Variants in MCTP1 observed in about 807,000 individuals in gnomAD.
MCTP1 encodes the protein multiple C2 and transmembrane domain containing 1, also known as multiple C2 and transmembrane domain-containing protein 1.
Under a neutral mutation model 120.6 loss-of-function variants are expected in MCTP1, and 69 were observed. The ratio of observed to expected loss-of-function variants is 0.57; its 90% CI spans 0.47 to 0.70. The LOEUF is 0.70. Among genes scored for constraint, MCTP1 ranks in the 30% least tolerant of loss-of-function variants. MCTP1 has a pLI of 0.00. For synonymous variants in MCTP1, 529 were observed against 493.1 expected (o/e 1.07, Z -0.96); for missense variants, 1,203 against 1,248.8 (o/e 0.96, Z 0.55).
chr5:95,227,835 A>G lies in MCTP1; in HGVS notation c.720+56021T>C, dbSNP rs533381139. On this transcript the variant is annotated intron_variant, in intron 1 of 22. Coordinates refer to ENST00000515393, the MANE Select transcript of MCTP1 (RefSeq NM_024717.7). ...TGCAAAGCATTTATCAAACTGTAAA[A>G]AATACAAAGAAATATAAAGTATGTC... is the stretch of plus-strand genomic sequence containing the variant. Among the ~76,000 whole-genome samples, 148 of 152,302 alleles carry G rather than the reference A, an allele frequency of 9.7e-4. 1 individual carries two copies. Among genetic ancestry groups the G allele is most frequent in the African/African-American group, 3.3e-3 (137 of 41,544 alleles).
intron 1 of MCTP1, among the ~76,000 whole-genome samples, chr5:95,027,399 T>G (rs1057190847): frequency 6.6e-6 from 1 of 152,122 alleles, no homozygotes. Context: ...GCAGAGAGCA[T>G]TAGTAGGCAA....
intron 3 of MCTP1, among the ~76,000 whole-genome samples, chr5:94,949,928 G>A (rs1820062189): frequency 6.6e-6 from 1 of 152,028 alleles, no homozygotes; most frequent in African/African-American, 2.4e-5. Flanking sequence ...CAATTTTTAT[G>A]AAATTCTAAT....
intron 10 of MCTP1, among the ~76,000 whole-genome samples, chr5:94,907,558 G>C (rs1328866815): frequency 6.6e-6 from 1 of 152,018 alleles, no homozygotes; most frequent in East Asian, 1.9e-4. Flanking sequence ...AATTTGTACT[G>C]TTTTCTCAAA....
At chr5:94,932,030 C>A (rs1289696116) in intron 5 of MCTP1, 39 bp from the exon 6 acceptor site, 2 of 1,447,386 alleles carry the variant, frequency 1.4e-6, no homozygotes, top group Non-Finnish European at 1.9e-6. Context: ...TCTTTTCACT[C>A]AAGAACAGAA....
intron 1 of MCTP1, among the ~76,000 whole-genome samples, chr5:95,278,799 C>T (rs925578992): frequency 1.3e-5 from 2 of 151,838 alleles, no homozygotes; most frequent in Admixed American, 1.3e-4. Flanking sequence ...CCCGTCTCTA[C>T]TAAAAATACA....
At chr5:95,038,191 A>C in intron 1 of MCTP1, 1 of 765,128 alleles carries the variant, frequency 1.3e-6, no homozygotes, top group Non-Finnish European at 1.6e-6. Context: ...GGTATAACTA[A>C]AACATGAACA....
At chr5:94,906,415 G>A in intron 10 of MCTP1, among the ~76,000 whole-genome samples, 1 of 152,170 alleles carries the variant, frequency 6.6e-6, no homozygotes, top group African/African-American at 2.4e-5. Flanking sequence ...GAGCCCAGGA[G>A]GTGGAGGTTG....
intron 19 of MCTP1, among the ~76,000 whole-genome samples, chr5:94,745,513 G>A (rs9885553): frequency 1.3e-5 from 2 of 152,104 alleles, no homozygotes; most frequent in Non-Finnish European, 2.9e-5. Flanking sequence ...AGGGGTAGAG[G>A]GCAGTTAGGC....
At chr5:94,865,251 T>C (rs773326334) in intron 17 of MCTP1, among the ~76,000 whole-genome samples, 6 of 151,774 alleles carry the variant, frequency 4.0e-5, no homozygotes, top group Non-Finnish European at 7.4e-5. Flanking sequence ...TCTACTTCAA[T>C]TGACATAGGG....
intron 1 of MCTP1, among the ~76,000 whole-genome samples, chr5:95,266,733 T>C (rs980136720): frequency 2.0e-5 from 3 of 152,202 alleles, no homozygotes; most frequent in Non-Finnish European, 2.9e-5. Context: ...ATATTGGTCA[T>C]TGTAGTAGCT....
At chr5:94,912,333 G>C (rs1808858499) in intron 9 of MCTP1, among the ~76,000 whole-genome samples, 1 of 147,884 alleles carries the variant, frequency 6.8e-6, no homozygotes, top group Non-Finnish European at 1.5e-5. Flanking sequence ...GCTGAGAGAG[G>C]AGAATTGCTT....
chr5:94,823,291 T>C (rs1786112624), intron 17 of MCTP1, among the ~76,000 whole-genome samples: 3 of 152,208 alleles, frequency 2.0e-5, no homozygotes, highest in Admixed American at 2.0e-4. Flanking sequence ...CCAGCACCAT[T>C]TATTAAATAG....
Position 94,849,540 on chromosome 5 carries a change from G to C in MCTP1, c.2436+18793C>G, listed in dbSNP as rs560811338. On this transcript the variant is annotated intron_variant, in intron 17 of 22. Transcript: ENST00000515393. ...GCCTGCCTCCATCTCTGTCTCACAG[G>C]GGGCAGGTAGTAAGCAATTTAGCGT... 3.3e-5 allele frequency among the ~76,000 whole-genome samples: 5 copies of C among 152,198 alleles called. No homozygotes were observed. In the South Asian group the frequency reaches 6.2e-4, roughly 19 times the overall value.
chr5:94,787,648 C>G (rs2152972005), intron 18 of MCTP1, among the ~76,000 whole-genome samples: 2 of 151,008 alleles, frequency 1.3e-5, no homozygotes, highest in Middle Eastern at 6.8e-3. Context: ...ACGGCGTCTC[C>G]CTCTGTCGCC....
chr5:94,958,918 T>G (rs1221069103), intron 2 of MCTP1, among the ~76,000 whole-genome samples: 4 of 152,204 alleles, frequency 2.6e-5, no homozygotes, highest in Non-Finnish European at 4.4e-5. Flanking sequence ...CAATTCATTT[T>G]ATGAGGCCAG....
At chr5:95,167,889 C>G (rs899949817) in intron 1 of MCTP1, among the ~76,000 whole-genome samples, 8 of 152,130 alleles carry the variant, frequency 5.3e-5, no homozygotes, top group African/African-American at 1.9e-4. Context: ...TGCAGAAGCT[C>G]TTTAGTTTAA....
chr5:94,910,074 T>C (rs1353263606), intron 9 of MCTP1, among the ~76,000 whole-genome samples: 1 of 151,352 alleles, frequency 6.6e-6, no homozygotes, highest in East Asian at 1.9e-4. Flanking sequence ...CAAAACCATA[T>C]GCCAAAAATG....
rs191421081 is a variant in MCTP1 at position 94,976,407 on chromosome 5, G to A, written c.839-23046C>T. On this transcript the variant is annotated intron_variant, in intron 2 of 22. Transcript: ENST00000515393. ...TGGAGGTTGCAGTGACCAAGATCAC[G>A]CCAATGCACTCCATTCTGGGCTTCA... 1.1e-3 allele frequency among the ~76,000 whole-genome samples: 160 copies of A among 152,086 alleles called. 1 individual carries two copies. The highest frequency in any genetic ancestry group is 2.0e-3 in the Admixed American group (31 of 15,256).
chr5:94,782,377 A>T (rs908871614), intron 18 of MCTP1, among the ~76,000 whole-genome samples: 1 of 152,146 alleles, frequency 6.6e-6, no homozygotes, highest in African/African-American at 2.4e-5. Context: ...ATTCCAAATT[A>T]AAATGATGAT....
Sources: gnomAD v4.1 joint callset for allele counts (sites outside exome capture counted in the v4.1 genomes callset) on GRCh38, gnomAD v4.1.1 for gene constraint, MANE v1.5 for transcripts, NCBI Gene and HGNC (gene_info 2026-07-23, HGNC 2026-07-21) for gene names.